Variants in DCAF1 observed in about 807,000 individuals in gnomAD.
DCAF1 encodes DDB1- and CUL4-associated factor 1.
DCAF1 carries 15 observed loss-of-function variants against 128.0 expected under a neutral mutation model. The observed-to-expected ratio is 0.12, with a 90% CI of 0.08 to 0.18. The LOEUF (loss-of-function observed/expected upper bound fraction) is 0.18, where lower values mean the gene tolerates loss of function less well. DCAF1 is among the 10% of genes least tolerant of loss of function. The pLI is 1.00. For synonymous variants in DCAF1, 610 were observed against 603.0 expected, an observed-to-expected ratio of 1.01 and a Z score of -0.17; for missense variants, 988 against 1,649.5, an observed-to-expected ratio of 0.60 and a Z score of 6.95.
At chr3:51,478,024 T>C (rs1705694559) in intron 3 of DCAF1, among the ~76,000 whole-genome samples, 1 of 152,080 alleles carries the variant, frequency 6.6e-6, no homozygotes, top group South Asian at 2.1e-4. Context: ...GTTGTTGTTG[T>C]TGAGACAGAG....
chr3:51,499,635 G>T (rs1194240466), intron 1 of DCAF1, among the ~76,000 whole-genome samples: 1 of 151,792 alleles, frequency 6.6e-6, no homozygotes, highest in African/African-American at 2.4e-5. Flanking sequence ...AGCTTCTCGT[G>T]GGGAGTGGAG....
intron 6 of DCAF1, among the ~76,000 whole-genome samples, chr3:51,447,325 G>A (rs1292378752): frequency 6.6e-6 from 1 of 151,632 alleles, no homozygotes; most frequent in Non-Finnish European, 1.5e-5. Flanking sequence ...CATGAGAATC[G>A]CTTGAACCTG....
intron 6 of DCAF1, among the ~76,000 whole-genome samples, chr3:51,459,216 A>G (rs1413997514): frequency 6.6e-6 from 1 of 152,228 alleles, no homozygotes; most frequent in Non-Finnish European, 1.5e-5. Flanking sequence ...AAAAAATGAT[A>G]AAGGGGATAT....
At position 51,413,009 on chromosome 3, in the gene DCAF1, T is replaced by C. The variant is rs782657004; in HGVS notation, c.4094A>G (p.Tyr1365Cys). The change falls in exon 22 of 25, where the codon TAT (tyrosine) becomes TGT (cysteine). Residue 1365 changes from tyrosine to cysteine, a missense_variant. Tyr to Cys is a radical substitution (Grantham distance 194, BLOSUM62 -2). This residue lies in a region of DCAF1 where 85 missense variants were observed against 204.6 expected (regional missense o/e 0.42). Transcript: ENST00000684031. ...TCCCTTTACCTCAATGACAGCAAGA[T>C]AGCAGTCTTTGGTGTCTGTACACAG... ...FDLCTDTKDC[Y>C]LAVIENQGSM... 5 of 1,613,876 alleles carry C rather than the reference T, an allele frequency of 3.1e-6. No homozygotes were observed. The highest frequency in any genetic ancestry group is 1.1e-5 in the South Asian group (1 of 91,080).
intron 6 of DCAF1, among the ~76,000 whole-genome samples, chr3:51,445,242 G>A (rs1384988705): frequency 2.6e-5 from 4 of 152,060 alleles, no homozygotes; most frequent in Non-Finnish European, 5.9e-5. Context: ...CCTGCAAGGA[G>A]GTTTAAACAC....
chr3:51,468,157 G>A (rs1199382583), intron 4 of DCAF1, among the ~76,000 whole-genome samples: 3 of 152,126 alleles, frequency 2.0e-5, no homozygotes, highest in African/African-American at 7.2e-5. Flanking sequence ...GTTGATGGAA[G>A]GGAGAATTAC....
intron 23 of DCAF1, among the ~76,000 whole-genome samples, chr3:51,410,364 C>G (rs1553628080): frequency 2.0e-5 from 3 of 152,224 alleles, no homozygotes. Flanking sequence ...TAGGTTGAGT[C>G]TCTGTTCTAG....
intron 6 of DCAF1, among the ~76,000 whole-genome samples, chr3:51,447,146 C>CAA (rs1553640443): frequency 1.6e-4 from 24 of 152,002 alleles, no homozygotes; most frequent in Non-Finnish European, 3.2e-4. Context: ...GTGGCTCATG[C>CAA]CTGTAATCCT....
chr3:51,435,728 T>A (rs376953435), intron 9 of DCAF1, among the ~76,000 whole-genome samples: 6 of 126,292 alleles, frequency 4.8e-5, no homozygotes, highest in African/African-American at 1.7e-4. Context: ...AAAAAAAAAA[T>A]TATAGGTTTA....
chr3:51,464,030 T>C (rs545282856), intron 5 of DCAF1, among the ~76,000 whole-genome samples: 1 of 152,110 alleles, frequency 6.6e-6, no homozygotes, highest in African/African-American at 2.4e-5. Context: ...AATTTTTTCA[T>C]TTTTAGTAGA....
chr3:51,437,266 CAAAA>C (rs71633071), intron 9 of DCAF1: 4,232 of 250,522 alleles, frequency 0.017, no homozygotes, highest in South Asian at 0.02. Context: ...GACTCCATGT[CAAAA>C]AAAAAAAAAA....
intron 3 of DCAF1, among the ~76,000 whole-genome samples, chr3:51,482,787 A>G (rs1322648816): frequency 6.7e-6 from 1 of 148,958 alleles, no homozygotes; most frequent in African/African-American, 2.5e-5. Flanking sequence ...AAAAAAAAAG[A>G]TACATTCACC....
At chr3:51,487,211 C>G (rs549259548) in intron 2 of DCAF1, among the ~76,000 whole-genome samples, 2 of 152,184 alleles carry the variant, frequency 1.3e-5, no homozygotes, top group Admixed American at 1.3e-4. Flanking sequence ...ACCGCGTGAT[C>G]CGCCCACCTC....
At chr3:51,476,817 G>C (rs1705515621) in intron 3 of DCAF1, among the ~76,000 whole-genome samples, 1 of 152,100 alleles carries the variant, frequency 6.6e-6, no homozygotes, top group Admixed American at 6.6e-5. Context: ...GGAGCTTGCA[G>C]TGAGCTGAGA....
intron 4 of DCAF1, among the ~76,000 whole-genome samples, chr3:51,469,211 CCACA>C (rs1428736672): frequency 1.3e-5 from 2 of 150,406 alleles, no homozygotes; most frequent in African/African-American, 4.9e-5. Flanking sequence ...CATTCTTTTT[CCACA>C]CACAAATTTT....
chr3:51,396,452 G>C (rs1345395813), downstream of DCAF1: 5 of 167,154 alleles, frequency 3.0e-5, no homozygotes, highest in Admixed American at 2.0e-4. Context: ...GTTAGGGGAG[G>C]TCAGGTGGTC....
chr3:51,496,806 C>T (rs782606344), intron 1 of DCAF1, among the ~76,000 whole-genome samples, 26 bp from the exon 2 acceptor site: 10 of 151,930 alleles, frequency 6.6e-5, no homozygotes, highest in African/African-American at 9.7e-5. Flanking sequence ...AGTTGTTGTG[C>T]GGGGTTAAAT....
chr3:51,459,523 C>CAGAA (rs1703306239), intron 6 of DCAF1, among the ~76,000 whole-genome samples: 1 of 152,046 alleles, frequency 6.6e-6, no homozygotes, highest in South Asian at 2.1e-4. Context: ...TTCCAATCAA[C>CAGAA]AGAAAAAGAG....
intron 13 of DCAF1, among the ~76,000 whole-genome samples, chr3:51,425,646 T>G (rs1164153250): frequency 6.7e-6 from 1 of 148,300 alleles, no homozygotes; most frequent in Non-Finnish European, 1.5e-5. Context: ...CACTGCATTC[T>G]CTACCTCCTG....
Sources: gnomAD v4.1 joint callset for allele counts (sites outside exome capture counted in the v4.1 genomes callset) on GRCh38, gnomAD v4.1.1 for gene constraint, gnomAD v4.1.1 regional missense constraint, MANE v1.5 for transcripts, NCBI Gene and HGNC (gene_info 2026-07-23, HGNC 2026-07-21) for gene names.